MPDZ: variants seen among roughly 807,000 people sequenced by gnomAD.
MPDZ encodes multiple PDZ domain protein.
A neutral mutation model predicts 239.1 loss-of-function variants in MPDZ; 234 were observed. The ratio of observed to expected loss-of-function variants is 0.98; its 90% confidence interval spans 0.88 to 1.09. The LOEUF (loss-of-function observed/expected upper bound fraction) is 1.09, where lower values mean the gene tolerates loss of function less well. MPDZ is among the 50% of genes least tolerant of loss of function. The pLI is 0.00. For missense variants in MPDZ, 3,175 were observed against 2,510.0 expected (o/e 1.26, Z -5.66); for synonymous variants, 1,048 against 881.3 (o/e 1.19, Z -3.35).
intron 12 of MPDZ, among the ~76,000 whole-genome samples, chr9:13,203,579 G>A (rs1956635259): frequency 6.6e-6 from 1 of 152,070 alleles, no homozygotes; most frequent in Non-Finnish European, 1.5e-5. Context: ...TAAAATATCT[G>A]TGGAAGAGGC....
intron 1 of MPDZ, among the ~76,000 whole-genome samples, chr9:13,262,463 A>T (rs1403374232): frequency 2.0e-5 from 3 of 152,130 alleles, no homozygotes; most frequent in Non-Finnish European, 2.9e-5. Context: ...AAAAATAATA[A>T]TAAAAATTAA....
At chr9:13,161,989 C>T (rs1950543648) in intron 23 of MPDZ, among the ~76,000 whole-genome samples, 1 of 152,082 alleles carries the variant, frequency 6.6e-6, no homozygotes, top group Admixed American at 6.6e-5. Flanking sequence ...CTGGTCTAGG[C>T]ATGGTGGTGC....
chr9:13,183,301 AC>A, intron 19 of MPDZ, 116 bp downstream of exon 19: 1 of 790,026 alleles, frequency 1.3e-6, no homozygotes, highest in Non-Finnish European at 1.9e-6. Context: ...TGAATCCACA[AC>A]TGGAGAAACA....
intron 19 of MPDZ, 144 bp from the exon 20 acceptor site, chr9:13,176,561 A>G (rs1434227098): frequency 1.4e-6 from 1 of 727,350 alleles, no homozygotes; most frequent in Non-Finnish European, 2.1e-6. Context: ...ATTAACAAAC[A>G]CAATTCCTCA....
At chr9:13,144,167 T>C (rs1245819973) in intron 26 of MPDZ, among the ~76,000 whole-genome samples, 1 of 152,180 alleles carries the variant, frequency 6.6e-6, no homozygotes, top group South Asian at 2.1e-4. Context: ...AGTGGTGTTC[T>C]CTATTTCTGC....
In MPDZ at chr9:13,176,328, A is replaced by T. The variant is rs768508261; in HGVS notation, c.2739T>A (p.Asp913Glu). Residue 913 changes from aspartate (D) to glutamate (E), a missense_variant, in exon 20 of 47, where the codon GAT becomes GAA. Physicochemically the swap from Asp to Glu is conservative, Grantham distance 45. Transcript: ENST00000319217. ...LYTQNLLQRQDENTPSVDISM... is the reference protein window; with the variant it reads ...LYTQNLLQRQEENTPSVDISM... The stretch of plus-strand genomic sequence containing the variant: ...TTATGTCCACCGAAGGTGTATTCTC[A>T]TCCTGTCTTTGCAGGAGATTCTGGG... 6.2e-7 allele frequency: 1 copy of T among 1,607,530 alleles called. No individual in the cohort carries two copies. The highest frequency in any genetic ancestry group is 8.5e-7 in the Non-Finnish European group (1 of 1,175,952).
chr9:13,112,125 T>C lies in MPDZ; in HGVS notation c.5623A>G (p.Ile1875Val). ...MKKGPTDSLG[I>V]SIAGGVGSPL... ...CTGCCTACTCCTCCAGCGATGCTGA[T>C]TCCCAGTGAGTCAGTAGGGCCCTGC... Residue 1875 changes from isoleucine to valine, a missense_variant, in exon 43 of 47, where the codon ATC (isoleucine) becomes GTC (valine). Transcript: ENST00000319217. 6.2e-7 allele frequency: 1 copy of C among 1,613,116 alleles called. No individual in the cohort carries two copies. Among genetic ancestry groups the C allele is most frequent in the Non-Finnish European group, 8.5e-7 (1 of 1,179,364 alleles).
intron 23 of MPDZ, among the ~76,000 whole-genome samples, chr9:13,158,717 G>C (rs923272372): frequency 1.3e-5 from 2 of 152,164 alleles, no homozygotes; most frequent in Non-Finnish European, 2.9e-5. Flanking sequence ...CTGTGTTCAA[G>C]GTCACCTTCC....
chr9:13,275,408 A>C (rs1381968564), intron 1 of MPDZ, among the ~76,000 whole-genome samples: 2 of 152,188 alleles, frequency 1.3e-5, no homozygotes, highest in Non-Finnish European at 2.9e-5. Flanking sequence ...GCTTGGTAGA[A>C]ACCAATCCCA....
At chr9:13,132,954 C>T (rs1946226131) in intron 32 of MPDZ, among the ~76,000 whole-genome samples, 1 of 152,090 alleles carries the variant, frequency 6.6e-6, no homozygotes, top group African/African-American at 2.4e-5. Context: ...CTAGAATATA[C>T]TAAGCCTTAG....
chr9:13,247,269 T>C (rs1966777645), intron 3 of MPDZ, among the ~76,000 whole-genome samples: 1 of 152,200 alleles, frequency 6.6e-6, no homozygotes, highest in Non-Finnish European at 1.5e-5. Flanking sequence ...GTAAGTATAC[T>C]GAATGTCCGA....
At chr9:13,123,802 T>C (rs1352084697) in intron 35 of MPDZ, among the ~76,000 whole-genome samples, 1 of 152,184 alleles carries the variant, frequency 6.6e-6, no homozygotes, top group Non-Finnish European at 1.5e-5. Flanking sequence ...TTTTTACATT[T>C]TTGTTTTCTT....
chr9:13,117,323 A>G (rs1056325801), intron 39 of MPDZ, among the ~76,000 whole-genome samples: 2 of 152,144 alleles, frequency 1.3e-5, no homozygotes, highest in African/African-American at 4.8e-5. Context: ...CGAAGTCAGG[A>G]GATTGAGACC....
chr9:13,275,477 G>A (rs1419941544), intron 1 of MPDZ, among the ~76,000 whole-genome samples: 3 of 152,148 alleles, frequency 2.0e-5, no homozygotes, highest in Non-Finnish European at 4.4e-5. Flanking sequence ...AATTCCTGTG[G>A]TTTCAGCCAC....
rs547994223 is a variant in MPDZ, at chr9:13,214,024, G to A, written c.1290+2750C>T. On this transcript the variant is annotated intron_variant, in intron 10 of 46. Transcript: ENST00000319217. ...AACTGAATCAGGGCATTTGGTAACTGGTAAAACACAGAATTATCATAAGAT... is the reference window on the plus strand; with the variant it reads ...AACTGAATCAGGGCATTTGGTAACTAGTAAAACACAGAATTATCATAAGAT... Among the ~76,000 whole-genome samples the A allele has an allele frequency of 5.3e-5, 8 of 152,038 alleles. No homozygotes were observed. The South Asian group carries it at 1.7e-3, about 32-fold the overall frequency.
At chr9:13,231,381 C>T (rs10756463) in intron 3 of MPDZ, among the ~76,000 whole-genome samples, 55,818 of 151,654 alleles carry the variant, frequency 0.37, 11,261 homozygotes, top group African/African-American at 0.53. Context: ...GCCTGGCCAA[C>T]ATGGCAAAAA....
intron 38 of MPDZ, 78 bp downstream of exon 38, chr9:13,121,661 C>G: frequency 2.1e-6 from 3 of 1,453,052 alleles, no homozygotes; most frequent in Non-Finnish European, 2.9e-6. Context: ...AAAGATTCAC[C>G]TACTGCTATT....
intron 3 of MPDZ, among the ~76,000 whole-genome samples, chr9:13,244,408 C>G (rs1428204520): frequency 6.6e-6 from 1 of 152,166 alleles, no homozygotes; most frequent in Admixed American, 6.5e-5. Context: ...TTTGACAGAT[C>G]ATTGACACAC....
chr9:13,127,488 T>C lies in MPDZ; in HGVS notation c.4465-716A>G, dbSNP rs114480429. On this transcript the variant is annotated intron_variant, in intron 32 of 46. Coordinates refer to ENST00000319217, the MANE Select transcript of MPDZ (RefSeq NM_001378778.1). ...CTTTAATAAAATTAAAACAGAGTTT[T>C]TAACATTTTCATTGCCAGAGCTAGC... Among the ~76,000 whole-genome samples, 942 of 152,360 alleles carry C rather than the reference T, an allele frequency of 6.2e-3. 8 individuals carry two copies. The highest frequency in any genetic ancestry group is 0.021 in the African/African-American group (856 of 41,584).
Sources: gnomAD v4.1 joint callset for allele counts (sites outside exome capture counted in the v4.1 genomes callset) on GRCh38, gnomAD v4.1.1 for gene constraint, MANE v1.5 for transcripts, NCBI Gene and HGNC (gene_info 2026-07-23, HGNC 2026-07-21) for gene names.